The following ARNT2 variants were observed in gnomAD, a reference collection of about 807,000 sequenced individuals.
ARNT2 encodes the protein aryl hydrocarbon receptor nuclear translocator 2.
A neutral mutation model predicts 91.7 loss-of-function variants in ARNT2; 36 were observed. That is an observed-to-expected ratio of 0.39 (90% CI 0.30 to 0.52). The LOEUF (loss-of-function observed/expected upper bound fraction) is 0.52, where lower values mean the gene tolerates loss of function less well. Ranked by LOEUF, ARNT2 falls within the 20% of genes least tolerant of loss-of-function variation. The probability of loss-of-function intolerance (pLI) is 0.72; values close to 1 mark genes in which losing one functional copy is unlikely to be tolerated. For missense variants in ARNT2, 775 were observed against 939.3 expected (o/e 0.83, Z 2.29); for synonymous variants, 365 against 347.1 (o/e 1.05, Z -0.57).
intron 15 of ARNT2, among the ~76,000 whole-genome samples, chr15:80,578,898 G>A (rs1002111219): frequency 3.3e-5 from 5 of 152,196 alleles, no homozygotes; most frequent in Non-Finnish European, 4.4e-5. Flanking sequence ...GGTAGGCTGT[G>A]GGATGAAGGA....
intron 3 of ARNT2, among the ~76,000 whole-genome samples, chr15:80,468,975 G>A (rs1429201557): frequency 6.6e-6 from 1 of 152,224 alleles, no homozygotes; most frequent in African/African-American, 2.4e-5. Flanking sequence ...AATCTGGGAG[G>A]ATGGGCTGTT....
intron 8 of ARNT2, among the ~76,000 whole-genome samples, chr15:80,527,930 C>T (rs1897664975): frequency 1.3e-5 from 2 of 151,996 alleles, no homozygotes; most frequent in South Asian, 4.2e-4. Flanking sequence ...GAGTTTGTAC[C>T]CTTCCCTACA....
chr15:80,508,506 C>G (rs1897302914), intron 6 of ARNT2, among the ~76,000 whole-genome samples: 2 of 152,170 alleles, frequency 1.3e-5, no homozygotes, highest in African/African-American at 4.8e-5. Flanking sequence ...GATTTACACC[C>G]TCTTGTCCAC....
Position 80,404,538 on chromosome 15 carries a change from A to G in ARNT2, c.23A>G (p.Asn8Ser). 8.3e-7 allele frequency: 1 copy of G among 1,201,406 alleles called. No homozygotes were observed. Among genetic ancestry groups the G allele is most frequent in the Non-Finnish European group, 1.1e-6 (1 of 950,562 alleles). 74.4% of individuals were successfully genotyped at this position (1,201,406 alleles called of 1,614,324 possible). Residue 8 changes from asparagine to serine, a missense_variant, in exon 1 of 19, where the codon AAC becomes AGC. Physicochemically the swap from Asn to Ser is conservative, Grantham distance 46. This residue lies in a region of ARNT2 where 79 missense variants were observed against 83.8 expected (regional missense o/e 0.94). Transcript: ENST00000303329. The surrounding 1 kb of genome is among the most constrained non-coding windows in gnomAD (Gnocchi z 5.5). MATPAAV[N>S]PPEMASDIPG... is the part of the protein sequence containing the mutation. ...AAGATGGCAACCCCGGCGGCGGTCA[A>G]CCCTCCGGGTGAGTAGCGGCCTGGG... is the stretch of plus-strand genomic sequence containing the variant.
Position 80,466,062 on chromosome 15 carries a change from A to G in ARNT2, c.195-4156A>G, listed in dbSNP as rs1896648062. Among the ~76,000 whole-genome samples the G allele has an allele frequency of 3.3e-5, 5 of 152,348 alleles. No individual in the cohort carries two copies. The South Asian group carries it at 1.0e-3, about 32-fold the overall frequency. ...TGTCTGCAGTGATCAGGGAGTTCCCAGCATGGGGCTGTCTCATTCAGTCTG... is the reference window on the plus strand; with the variant it reads ...TGTCTGCAGTGATCAGGGAGTTCCCGGCATGGGGCTGTCTCATTCAGTCTG... On this transcript the variant is annotated intron_variant, in intron 3 of 18. Coordinates refer to ENST00000303329, the MANE Select transcript of ARNT2 (RefSeq NM_014862.4).
At chr15:80,459,635 G>A (rs1896525464) in intron 3 of ARNT2, among the ~76,000 whole-genome samples, 5 of 152,126 alleles carry the variant, frequency 3.3e-5, no homozygotes, top group Admixed American at 2.6e-4. Context: ...TAATAGTGCA[G>A]GGGTACAAAG....
intron 2 of ARNT2, 42 bp downstream of exon 2, chr15:80,451,036 T>A (rs1896381208): frequency 6.4e-7 from 1 of 1,562,142 alleles, no homozygotes; most frequent in Non-Finnish European, 8.8e-7. Context: ...TTAATAAATG[T>A]TGAGCAATGC....
intron 2 of ARNT2, among the ~76,000 whole-genome samples, chr15:80,457,294 G>T (rs1376806577): frequency 3.3e-5 from 5 of 152,184 alleles, no homozygotes. Context: ...TGAGTAGCTT[G>T]AGCCCCAAAC....
intron 1 of ARNT2, among the ~76,000 whole-genome samples, chr15:80,422,341 A>G (rs1337304607): frequency 1.3e-5 from 2 of 152,226 alleles, no homozygotes; most frequent in Admixed American, 6.5e-5. Flanking sequence ...CAGACATATC[A>G]CCTATACAGG....
At chr15:80,541,995 C>T (rs931921760) in intron 8 of ARNT2, among the ~76,000 whole-genome samples, 1 of 152,172 alleles carries the variant, frequency 6.6e-6, no homozygotes, top group African/African-American at 2.4e-5. Flanking sequence ...TCAGGGCCTC[C>T]TTTACAAATG....
intron 2 of ARNT2, among the ~76,000 whole-genome samples, chr15:80,455,646 T>G (rs1044808602): frequency 3.3e-5 from 5 of 152,142 alleles, no homozygotes; most frequent in African/African-American, 1.2e-4. Context: ...ACTGAAGTCC[T>G]AGATCCCAGG....
intron 12 of ARNT2, 105 bp from the exon 13 acceptor site, chr15:80,574,043 C>CGGAT: frequency 1.2e-6 from 1 of 850,594 alleles, no homozygotes; most frequent in South Asian, 1.4e-5. Context: ...AGAGATCCAT[C>CGGAT]GGATATCACC....
chr15:80,543,607 G>A (rs1411862995), intron 8 of ARNT2, among the ~76,000 whole-genome samples: 1 of 152,130 alleles, frequency 6.6e-6, no homozygotes, highest in African/African-American at 2.4e-5. Context: ...GTTTTCCAAT[G>A]AGATCACTGA....
At chr15:80,514,118 T>A (rs1038805595) in intron 7 of ARNT2, 142 bp downstream of exon 7, 3 of 978,442 alleles carry the variant, frequency 3.1e-6, no homozygotes, top group Middle Eastern at 2.1e-4. Context: ...GTGGCAGAGA[T>A]GAGAGAGAAC....
chr15:80,477,925 G>A (rs1163089555), intron 5 of ARNT2, among the ~76,000 whole-genome samples: 4 of 152,168 alleles, frequency 2.6e-5, no homozygotes, highest in Non-Finnish European at 5.9e-5. Context: ...GATCAAAGAT[G>A]TAAAAAAGGA....
chr15:80,562,187 G>C (rs1488374809), intron 11 of ARNT2, among the ~76,000 whole-genome samples: 1 of 151,656 alleles, frequency 6.6e-6, no homozygotes, highest in Non-Finnish European at 1.5e-5. Context: ...CGATTCTCAT[G>C]CCTCAGCCTC....
rs375816237 is a variant in ARNT2, at chr15:80,593,702, C to T, written c.*4C>T. On this transcript the variant is annotated 3_prime_UTR_variant, in exon 19 of 19. Transcript: ENST00000303329. ...GTTTCCACCGTTTTCTGAGTAGCTG[C>T]GGCCAGAGTGAGGCTCCTGCTGTAC... is the stretch of plus-strand genomic sequence containing the variant. 15 of 1,597,566 alleles carry T rather than the reference C, an allele frequency of 9.4e-6. 1 individual carries two copies. The highest frequency in any genetic ancestry group is 1.7e-4 in the Middle Eastern group (1 of 6,060).
Position 80,443,003 on chromosome 15 carries a change from A to T in ARNT2, c.32-7877A>T, listed in dbSNP as rs373138400. On this transcript the variant is annotated intron_variant, in intron 1 of 18. Coordinates refer to ENST00000303329, the MANE Select transcript of ARNT2 (RefSeq NM_014862.4). ...TCTCACCTGGACTGCTGTGACCTTCATTCATTCCCAGGAGAAGTCCAGGTA... is the reference window on the plus strand; with the variant it reads ...TCTCACCTGGACTGCTGTGACCTTCTTTCATTCCCAGGAGAAGTCCAGGTA... The T allele has an allele frequency of 1.5e-4, 148 of 985,346 alleles. 1 individual carries two copies. In the African/African-American group the frequency reaches 2.2e-3, roughly 15 times the overall value. 61.0% of individuals were successfully genotyped at this position (985,346 alleles called of 1,614,324 possible). A position where few individuals can be genotyped will look rare whatever the true frequency, so the allele number is the denominator to read the frequency against.
At chr15:80,581,160 C>A (rs536343300) in intron 16 of ARNT2, 79 bp from the exon 17 acceptor site, 2 of 1,548,836 alleles carry the variant, frequency 1.3e-6, no homozygotes, top group Non-Finnish European at 1.8e-6. Context: ...ACTGCCCCTG[C>A]GACCAGCCTG....
Sources: allele counts gnomAD v4.1 joint callset (sites outside exome capture counted in the v4.1 genomes callset), GRCh38; gene constraint gnomAD v4.1.1; regional missense constraint gnomAD v4.1.1; non-coding constraint Gnocchi (gnomAD v3.1); transcripts MANE v1.5; gene names NCBI Gene and HGNC (gene_info 2026-07-23, HGNC 2026-07-21).